AXDND1: variants seen among roughly 807,000 people sequenced by gnomAD.
AXDND1 encodes axonemal dynein light chain domain-containing protein 1.
Under a neutral mutation model 137.5 loss-of-function variants are expected in AXDND1, and 110 were observed. The observed-to-expected ratio is 0.80, with a 90% CI of 0.69 to 0.94. AXDND1 has a LOEUF of 0.94. Among genes scored for constraint, AXDND1 ranks in the 40% least tolerant of loss-of-function variants. AXDND1 has a pLI of 0.00. For synonymous variants in AXDND1, 414 were observed against 399.7 expected (o/e 1.04, Z -0.43); for missense variants, 1,191 against 1,169.8 (o/e 1.02, Z -0.26).
In AXDND1 at chr1:179,554,511, G is replaced by A; in HGVS notation, c.3032-1G>A. ...TCTCCACTTTGATTCCCCAAATACA[G>A]GTCACTGAATCCAAGGCAACCTGTG... On this transcript the variant is annotated splice_acceptor_variant, in intron 25 of 25. Coordinates refer to ENST00000367618, the MANE Select transcript of AXDND1 (RefSeq NM_144696.6). LOFTEE classifies it high-confidence loss of function. The A allele has an allele frequency of 6.2e-7, 1 of 1,614,052 alleles. No homozygotes were observed. Among genetic ancestry groups the A allele is most frequent in the Non-Finnish European group, 8.5e-7 (1 of 1,180,006 alleles).
intron 9 of AXDND1, among the ~76,000 whole-genome samples, chr1:179,387,279 A>G (rs1295417278): frequency 6.6e-6 from 1 of 152,212 alleles, no homozygotes; most frequent in Non-Finnish European, 1.5e-5. Flanking sequence ...TGGGAAGTGC[A>G]GTGTACAAAG....
intron 25 of AXDND1, among the ~76,000 whole-genome samples, chr1:179,547,076 A>G (rs1376341149): frequency 6.6e-6 from 1 of 152,178 alleles, no homozygotes; most frequent in African/African-American, 2.4e-5. Flanking sequence ...GCAGGCCCCA[A>G]AGCTCTAGAT....
intron 4 of AXDND1, among the ~76,000 whole-genome samples, chr1:179,377,894 C>T (rs1001911599): frequency 6.6e-6 from 1 of 152,048 alleles, no homozygotes; most frequent in South Asian, 2.1e-4. Context: ...TGACAGCGGC[C>T]GGGCATGGTG....
intron 21 of AXDND1, among the ~76,000 whole-genome samples, chr1:179,520,681 C>T (rs1428747192): frequency 6.6e-6 from 1 of 151,588 alleles, no homozygotes; most frequent in Non-Finnish European, 1.5e-5. Context: ...GTTTATGATG[C>T]TGAATTGTAT....
intron 12 of AXDND1, among the ~76,000 whole-genome samples, chr1:179,416,042 C>T (rs752021946): frequency 6.6e-6 from 1 of 152,112 alleles, no homozygotes; most frequent in Non-Finnish European, 1.5e-5. Flanking sequence ...CTTATTTCTT[C>T]TGTTAAATCA....
intron 4 of AXDND1, among the ~76,000 whole-genome samples, chr1:179,372,368 C>T (rs12073970): frequency 0.11 from 16,513 of 152,070 alleles, 1,075 homozygotes; most frequent in East Asian, 0.35. Context: ...AGTACCTGTG[C>T]GAATAACTCC....
At chr1:179,369,515 A>G (rs1667816708) in intron 3 of AXDND1, among the ~76,000 whole-genome samples, 1 of 152,072 alleles carries the variant, frequency 6.6e-6, no homozygotes, top group Non-Finnish European at 1.5e-5. Context: ...AGCTGGGCAT[A>G]GTGGCATGCG....
At chr1:179,488,634 C>CTTCTTTCTTTCTTTCTTTCTTTTTCTTT (rs376189496) in intron 18 of AXDND1, among the ~76,000 whole-genome samples, 4 of 105,252 alleles carry the variant, frequency 3.8e-5, no homozygotes, top group African/African-American at 1.2e-4. Context: ...CTCTCTCTCT[C>CTTCTTTCTTTCTTTCTTTCTTTTTCTTT]CTTTCTTTCT....
chr1:179,523,418 C>T (rs933925616), intron 21 of AXDND1, among the ~76,000 whole-genome samples: 2 of 152,040 alleles, frequency 1.3e-5, no homozygotes, highest in African/African-American at 4.8e-5. Flanking sequence ...GTAATATGTA[C>T]AATTCAGTAA....
chr1:179,391,111 C>CTT (rs11284261), intron 9 of AXDND1, among the ~76,000 whole-genome samples: 9 of 127,892 alleles, frequency 7.0e-5, no homozygotes, highest in African/African-American at 2.3e-4. Flanking sequence ...CAGACTTCTT[C>CTT]TTTTTTTTTT....
intron 12 of AXDND1, among the ~76,000 whole-genome samples, chr1:179,425,684 C>T (rs1038509253): frequency 3.3e-5 from 5 of 151,972 alleles, no homozygotes; most frequent in Non-Finnish European, 7.4e-5. Context: ...GGAAAATTTT[C>T]CATGTGCTTT....
In AXDND1 at chr1:179,481,031, C is replaced by T. The variant is rs1039181439; in HGVS notation, c.1998-2097C>T. ...TAAGTTCTAGGGTACATGTGCACAACGTGCAGGTTTGTTACATATGTATAC... is the reference window on the plus strand; with the variant it reads ...TAAGTTCTAGGGTACATGTGCACAATGTGCAGGTTTGTTACATATGTATAC... On this transcript the variant is annotated intron_variant, in intron 17 of 25. Coordinates refer to ENST00000367618, the MANE Select transcript of AXDND1 (RefSeq NM_144696.6). 3.2e-4 allele frequency among the ~76,000 whole-genome samples: 49 copies of T among 151,212 alleles called. 1 individual carries two copies. The East Asian group carries it at 5.0e-3, about 16-fold the overall frequency.
intron 25 of AXDND1, among the ~76,000 whole-genome samples, chr1:179,548,511 T>C (rs552455629): frequency 7.9e-5 from 12 of 152,156 alleles, no homozygotes; most frequent in Admixed American, 4.6e-4. Context: ...CCGTTGGAAG[T>C]GTGTTGATGA....
intron 17 of AXDND1, among the ~76,000 whole-genome samples, chr1:179,471,737 T>C (rs1663957798): frequency 7.4e-6 from 1 of 135,390 alleles, no homozygotes; most frequent in Non-Finnish European, 1.6e-5. Flanking sequence ...ATTTCCTTCC[T>C]TTCACTTTCT....
At chr1:179,508,358 A>G (rs1668720885) in intron 20 of AXDND1, among the ~76,000 whole-genome samples, 3 of 151,432 alleles carry the variant, frequency 2.0e-5, no homozygotes, top group Admixed American at 2.0e-4. Flanking sequence ...AAGGCTAATA[A>G]TGAAAGAAAT....
chr1:179,510,149 G>A (rs1414616638), intron 21 of AXDND1, among the ~76,000 whole-genome samples: 2 of 151,882 alleles, frequency 1.3e-5, no homozygotes, highest in African/African-American at 4.8e-5. Context: ...CTTAAATGTT[G>A]ATATTCTGTC....
intron 15 of AXDND1, among the ~76,000 whole-genome samples, chr1:179,439,790 G>A (rs189716693): frequency 3.5e-4 from 53 of 152,184 alleles, no homozygotes; most frequent in African/African-American, 1.1e-3. Flanking sequence ...CTCATGGCTC[G>A]TACCGGAGGG....
At chr1:179,387,798 G>A (rs570057045) in intron 9 of AXDND1, among the ~76,000 whole-genome samples, 1 of 152,264 alleles carries the variant, frequency 6.6e-6, no homozygotes, top group Admixed American at 6.5e-5. Context: ...AGTCTGGTTG[G>A]TTGGTACTGG....
intron 6 of AXDND1, 88 bp downstream of exon 6, chr1:179,379,570 G>T: frequency 6.6e-7 from 1 of 1,520,934 alleles, no homozygotes; most frequent in Non-Finnish European, 8.9e-7. Flanking sequence ...AAGGCGGGTG[G>T]ATCATCTGAG....
Sources: allele counts gnomAD v4.1 joint callset (sites outside exome capture counted in the v4.1 genomes callset), GRCh38; gene constraint gnomAD v4.1.1; transcripts MANE v1.5; gene names NCBI Gene and HGNC (gene_info 2026-07-23, HGNC 2026-07-21).